ATRNL1: variants seen among roughly 807,000 people sequenced by gnomAD.
The protein encoded by ATRNL1 is attractin-like protein 1.
ATRNL1 carries 95 observed loss-of-function variants against 182.7 expected under a neutral mutation model. That is an observed-to-expected ratio of 0.52 (90% CI 0.44 to 0.62). The LOEUF (loss-of-function observed/expected upper bound fraction) is 0.62, where lower values mean the gene tolerates loss of function less well. ATRNL1 is among the 20% of genes least tolerant of loss of function. The pLI is 0.00. For synonymous variants in ATRNL1, 576 were observed against 568.3 expected (o/e 1.01, Z -0.19); for missense variants, 1,471 against 1,679.5 (o/e 0.88, Z 2.17).
At chr10:115,922,725 T>C (rs781834506) in intron 28 of ATRNL1, among the ~76,000 whole-genome samples, 3 of 152,156 alleles carry the variant, frequency 2.0e-5, no homozygotes, top group South Asian at 2.1e-4. Flanking sequence ...ATCTGACATA[T>C]GTAGTAGCGT....
At chr10:115,805,453 A>G (rs1949898797) in intron 27 of ATRNL1, among the ~76,000 whole-genome samples, 1 of 152,190 alleles carries the variant, frequency 6.6e-6, no homozygotes, top group Non-Finnish European at 1.5e-5. Flanking sequence ...TAATGGTTAC[A>G]TAAATTGGAA....
At chr10:115,504,063 C>T (rs1849985859) in intron 24 of ATRNL1, among the ~76,000 whole-genome samples, 1 of 151,408 alleles carries the variant, frequency 6.6e-6, no homozygotes, top group South Asian at 2.1e-4. Flanking sequence ...TGGAAAATGC[C>T]CAAATAATGA....
chr10:115,594,197 A>G (rs1236948082), intron 26 of ATRNL1, among the ~76,000 whole-genome samples: 2 of 152,126 alleles, frequency 1.3e-5, no homozygotes, highest in Non-Finnish European at 2.9e-5. Context: ...ATAGTACTTC[A>G]AGATTCTAAG....
chr10:115,612,929 G>C (rs1857240463), intron 26 of ATRNL1, among the ~76,000 whole-genome samples: 1 of 152,144 alleles, frequency 6.6e-6, no homozygotes, highest in South Asian at 2.1e-4. Flanking sequence ...AAGCATTGCT[G>C]ATCAACCATC....
intron 24 of ATRNL1, among the ~76,000 whole-genome samples, chr10:115,491,296 C>G (rs1275425465): frequency 6.6e-6 from 1 of 152,172 alleles, no homozygotes; most frequent in African/African-American, 2.4e-5. Context: ...CTACTCTCTT[C>G]AGAGCTGTCA....
At chr10:115,437,793 G>A (rs954536607) in intron 21 of ATRNL1, among the ~76,000 whole-genome samples, 1 of 152,084 alleles carries the variant, frequency 6.6e-6, no homozygotes, top group East Asian at 1.9e-4. Context: ...CAGTGAATAA[G>A]GCAGTGAAAT....
chr10:115,179,974 TG>T (rs1451156679), intron 8 of ATRNL1, among the ~76,000 whole-genome samples: 2 of 152,096 alleles, frequency 1.3e-5, no homozygotes, highest in Non-Finnish European at 2.9e-5. Context: ...AAAACCTTTT[TG>T]TTGGATATTC....
intron 25 of ATRNL1, among the ~76,000 whole-genome samples, chr10:115,527,122 T>A (rs1297679679): frequency 1.7e-5 from 2 of 119,972 alleles, no homozygotes; most frequent in Non-Finnish European, 1.8e-5. Flanking sequence ...GGCACTTTTT[T>A]TTTTTTTTCC....
At chr10:115,150,051 T>A (rs1241658382) in intron 5 of ATRNL1, among the ~76,000 whole-genome samples, 1 of 152,034 alleles carries the variant, frequency 6.6e-6, no homozygotes, top group African/African-American at 2.4e-5. Flanking sequence ...TGTCTAAATA[T>A]TTTTTCTTGA....
chr10:115,478,174 C>G (rs1488322245), intron 24 of ATRNL1, among the ~76,000 whole-genome samples: 1 of 151,630 alleles, frequency 6.6e-6, no homozygotes, highest in Non-Finnish European at 1.5e-5. Flanking sequence ...CAAATTATCA[C>G]AAGCTTATCA....
At chr10:115,411,206 A>G (rs1378276700) in intron 20 of ATRNL1, among the ~76,000 whole-genome samples, 5 of 150,512 alleles carry the variant, frequency 3.3e-5, no homozygotes, top group African/African-American at 9.7e-5. Flanking sequence ...AAACATTTGA[A>G]TATATATTTA....
intron 27 of ATRNL1, among the ~76,000 whole-genome samples, chr10:115,753,270 C>T (rs1948498042): frequency 6.6e-6 from 1 of 151,988 alleles, no homozygotes; most frequent in Non-Finnish European, 1.5e-5. Context: ...TGGTTTGCTG[C>T]ACCCATCAAC....
At chr10:115,703,065 T>C (rs1395149040) in intron 26 of ATRNL1, among the ~76,000 whole-genome samples, 1 of 151,868 alleles carries the variant, frequency 6.6e-6, no homozygotes, top group Non-Finnish European at 1.5e-5. Flanking sequence ...GACAGACACA[T>C]AGACCAGTGG....
chr10:115,347,824 G>A (rs1202288631), intron 19 of ATRNL1, among the ~76,000 whole-genome samples: 3 of 151,946 alleles, frequency 2.0e-5, no homozygotes, highest in African/African-American at 7.2e-5. Flanking sequence ...ATATTTATGT[G>A]TGTATATGTA....
At chr10:115,190,535 C>T (rs1305588016) in intron 8 of ATRNL1, among the ~76,000 whole-genome samples, 4 of 152,044 alleles carry the variant, frequency 2.6e-5, no homozygotes, top group African/African-American at 9.7e-5. Context: ...AAGAAATACG[C>T]ACTCCCTATA....
chr10:115,145,323 T>A (rs1845925740), intron 5 of ATRNL1, among the ~76,000 whole-genome samples: 1 of 152,176 alleles, frequency 6.6e-6, no homozygotes. Context: ...TTGTAAAACT[T>A]TGTTTTAAGC....
At chr10:115,420,455 A>AT (rs1405524168) in intron 20 of ATRNL1, among the ~76,000 whole-genome samples, 1 of 152,184 alleles carries the variant, frequency 6.6e-6, no homozygotes, top group East Asian at 1.9e-4. Context: ...GTACATGGAA[A>AT]TTAAACAAGT....
chr10:115,556,398 A>G (rs1298223093), intron 26 of ATRNL1, among the ~76,000 whole-genome samples: 1 of 152,174 alleles, frequency 6.6e-6, no homozygotes, highest in Non-Finnish European at 1.5e-5. Context: ...CCAAGTTTTT[A>G]AAAATCACTT....
intron 17 of ATRNL1, among the ~76,000 whole-genome samples, chr10:115,314,298 T>G (rs1256373588): frequency 2.0e-5 from 3 of 152,208 alleles, no homozygotes; most frequent in Non-Finnish European, 4.4e-5. Context: ...ATGTTATAAT[T>G]GGTAAATTTT....
Sources: allele counts gnomAD v4.1 joint callset (sites outside exome capture counted in the v4.1 genomes callset), GRCh38; gene constraint gnomAD v4.1.1; transcripts MANE v1.5; gene names NCBI Gene and HGNC (gene_info 2026-07-23, HGNC 2026-07-21).